The following EVL variants were observed in gnomAD, a reference collection of about 807,000 sequenced individuals.
EVL encodes Enah/Vasp-like, also known as ena/VASP-like protein.
A neutral mutation model predicts 59.6 loss-of-function variants in EVL; 21 were observed. The ratio of observed to expected loss-of-function variants is 0.35; its 90% CI spans 0.25 to 0.51. The LOEUF is 0.51. Among genes scored for constraint, EVL ranks in the 20% least tolerant of loss-of-function variants. EVL has a pLI of 0.97. For missense variants in EVL, 462 were observed against 546.6 expected, an observed-to-expected ratio of 0.85 and a Z score of 1.54; for synonymous variants, 198 against 203.5, an observed-to-expected ratio of 0.97 and a Z score of 0.23.
chr14:100,142,460 A>T (rs112336650), intron 13 of EVL, among the ~76,000 whole-genome samples: 21 of 152,346 alleles, frequency 1.4e-4, no homozygotes, highest in African/African-American at 5.0e-4. Context: ...CAGTCTAGGG[A>T]CGAGCTATGC....
chr14:100,044,399 A>G (rs1167098631), intron 1 of EVL, among the ~76,000 whole-genome samples: 3 of 152,234 alleles, frequency 2.0e-5, no homozygotes, highest in Non-Finnish European at 4.4e-5. Context: ...TTACATATAC[A>G]TACAATAACA....
intron 1 of EVL, among the ~76,000 whole-genome samples, chr14:99,980,030 T>C (rs2060796520): frequency 6.6e-6 from 1 of 152,156 alleles, no homozygotes; most frequent in South Asian, 2.1e-4. Context: ...AATCTAGAGA[T>C]GATTTAAGGT....
intron 1 of EVL, among the ~76,000 whole-genome samples, chr14:100,084,109 T>C (rs1366877496): frequency 6.7e-6 from 1 of 149,238 alleles, no homozygotes; most frequent in Non-Finnish European, 1.5e-5. Flanking sequence ...TGGAGTGCAG[T>C]GGTGCAATCT....
intron 1 of EVL, among the ~76,000 whole-genome samples, chr14:100,021,977 A>C (rs934881860): frequency 1.3e-5 from 2 of 151,892 alleles, no homozygotes; most frequent in Non-Finnish European, 2.9e-5. Flanking sequence ...TGGTTTTATA[A>C]TCTCGGTGCC....
intron 1 of EVL, among the ~76,000 whole-genome samples, chr14:100,032,155 G>A (rs749721597): frequency 1.5e-4 from 23 of 152,242 alleles, no homozygotes; most frequent in Non-Finnish European, 3.1e-4. Flanking sequence ...TTTAAGAAGT[G>A]CACTCAGTGA....
In EVL at chr14:100,143,718, A is replaced by C. The variant is rs781739025; in HGVS notation, c.1237A>C (p.Ser413Arg). 2.5e-6 allele frequency: 4 copies of C among 1,612,410 alleles called. No individual in the cohort carries two copies. In the South Asian group the frequency reaches 4.4e-5, roughly 18 times the overall value. The change falls in exon 14 of 14, where the codon AGT becomes CGT. Residue 413 changes from serine (S) to arginine (R), a missense_variant. By Grantham distance (110) the Ser-to-Arg change is moderately radical. Transcript: ENST00000392920. ...TCCCGCAGCCATCAGGCAGGAGCTG[A>C]GTGGGATCAGCACCACGTAAGGGGC... is the stretch of plus-strand genomic sequence containing the variant. ...EIIDAIRQELSGISTT is the reference protein window; with the variant it reads ...EIIDAIRQELRGISTT
rs148901055 is a variant in EVL, at chr14:100,050,899, C to T, written c.6-33788C>T. Among the ~76,000 whole-genome samples the T allele has an allele frequency of 9.6e-4, 144 of 150,058 alleles. No homozygotes were observed. The Middle Eastern group carries it at 0.01, about 11-fold the overall frequency. On this transcript the variant is annotated intron_variant, in intron 1 of 13. Coordinates refer to the EVL transcript ENST00000402714. ...CTAGGACTACAGGCAGACACCAGCA[C>T]GCCCAGCTAATTAAAAAAAAAAAAA...
intron 1 of EVL, among the ~76,000 whole-genome samples, chr14:100,016,226 A>T (rs962893021): frequency 6.6e-6 from 1 of 151,760 alleles, no homozygotes; most frequent in Admixed American, 6.6e-5. Context: ...GAGTGCCTTT[A>T]AAAAACAAAA....
rs35367426 is a variant in EVL at position 100,111,148 on chromosome 14, A to ATTTTT, written c.359-12370_359-12366dup. Among the ~76,000 whole-genome samples the ATTTTT allele has an allele frequency of 4.6e-4, 40 of 86,806 alleles. 1 individual carries two copies. Among genetic ancestry groups the ATTTTT allele is most frequent in the Non-Finnish European group, 7.0e-4 (33 of 47,066 alleles). The allele number at this position is 86,806 out of a possible 152,430, so 56.9% of individuals were successfully genotyped here. A position where few individuals can be genotyped will look rare whatever the true frequency, so the allele number is the denominator to read the frequency against. ...CACCATTCTAAGCCTTAGTGTCCTC[A>ATTTTT]TTTTTTTTTTTTTTTTTTTTTTTTT... On this transcript the variant is annotated intron_variant, in intron 3 of 13. Transcript: ENST00000392920.
At chr14:100,036,552 C>CT (rs200406482) in intron 1 of EVL, among the ~76,000 whole-genome samples, 10 of 151,358 alleles carry the variant, frequency 6.6e-5, no homozygotes, top group South Asian at 2.1e-4. Flanking sequence ...ACCCATAAAC[C>CT]TTTTTTTTTG....
intron 1 of EVL, among the ~76,000 whole-genome samples, chr14:99,991,958 C>CTGTGTGTGTGTGTGTG (rs1491151315): frequency 1.1e-4 from 8 of 73,404 alleles, no homozygotes; most frequent in African/African-American, 5.2e-4. Flanking sequence ...TGAGGGTCAA[C>CTGTGTGTGTGTGTGTG]TCTGTGTGTG....
intron 3 of EVL, among the ~76,000 whole-genome samples, chr14:100,101,448 C>A (rs1348210202): frequency 6.6e-6 from 1 of 151,942 alleles, no homozygotes; most frequent in Non-Finnish European, 1.5e-5. Flanking sequence ...CCATTGCACT[C>A]CACTTTGGGC....
At chr14:99,985,667 T>G (rs2060835259) in intron 1 of EVL, among the ~76,000 whole-genome samples, 1 of 151,420 alleles carries the variant, frequency 6.6e-6, no homozygotes, top group Admixed American at 6.6e-5. Context: ...CTTGGGAGGC[T>G]GAGGCAGAAG....
chr14:100,079,310 A>G (rs1595143004), intron 1 of EVL, among the ~76,000 whole-genome samples: 1 of 152,380 alleles, frequency 6.6e-6, no homozygotes, highest in Admixed American at 6.5e-5. Context: ...GATTGTGAGT[A>G]GAATGTTCCC....
At chr14:100,119,853 C>T (rs1002506293) in intron 3 of EVL, among the ~76,000 whole-genome samples, 1 of 152,156 alleles carries the variant, frequency 6.6e-6, no homozygotes, top group African/African-American at 2.4e-5. Flanking sequence ...TCCTCTCGTG[C>T]CCACTGCCTG....
intron 4 of EVL, among the ~76,000 whole-genome samples, chr14:100,125,253 T>TAC (rs34556561): frequency 0.059 from 7,037 of 119,492 alleles, 336 homozygotes; most frequent in African/African-American, 0.088. Flanking sequence ...AAGGCAGGAA[T>TAC]ACACACACAC....
At chr14:100,137,212 GGGCCGAGGGGCCT>G (rs1566730689) in intron 9 of EVL, 7 of 292,478 alleles carry the variant, frequency 2.4e-5, no homozygotes, top group Admixed American at 2.3e-4. Flanking sequence ...AGCAGGTGCC[GGGCCGAGGGGCCT>G]GGCCGCCACA....
intron 1 of EVL, among the ~76,000 whole-genome samples, chr14:99,993,649 A>C (rs1458580814): frequency 1.9e-5 from 2 of 104,870 alleles, no homozygotes; most frequent in African/African-American, 7.5e-5. Context: ...CAATTTCTTT[A>C]TTAATTATAA....
intron 1 of EVL, among the ~76,000 whole-genome samples, chr14:100,008,538 C>T (rs908010705): frequency 2.0e-5 from 3 of 152,196 alleles, no homozygotes; most frequent in African/African-American, 7.2e-5. Flanking sequence ...GTTCTAGTGT[C>T]TGAAGGCAAC....
Sources: gnomAD v4.1 joint callset for allele counts (sites outside exome capture counted in the v4.1 genomes callset) on GRCh38, gnomAD v4.1.1 for gene constraint, MANE v1.5 for transcripts, NCBI Gene and HGNC (gene_info 2026-07-23, HGNC 2026-07-21) for gene names.